Variants in CACNA2D3 observed in about 807,000 individuals in gnomAD.
The protein encoded by CACNA2D3 is voltage-dependent calcium channel subunit alpha-2/delta-3.
CACNA2D3 carries 60 observed loss-of-function variants against 160.6 expected under a neutral mutation model. That is an observed-to-expected ratio of 0.37 (90% CI 0.30 to 0.46). The LOEUF (loss-of-function observed/expected upper bound fraction) is 0.46. CACNA2D3 is among the 20% of genes least tolerant of loss of function. CACNA2D3 has a pLI of 1.00. For synonymous variants in CACNA2D3, 558 were observed against 492.9 expected (o/e 1.13, Z -1.75); for missense variants, 1,205 against 1,365.0 (o/e 0.88, Z 1.85).
chr3:54,290,346 A>G (rs997592216), intron 2 of CACNA2D3, among the ~76,000 whole-genome samples: 4 of 152,336 alleles, frequency 2.6e-5, no homozygotes, highest in African/African-American at 9.6e-5. Context: ...ATACAAATCA[A>G]AACCACATTG....
intron 10 of CACNA2D3, among the ~76,000 whole-genome samples, chr3:54,641,400 G>A (rs964173966): frequency 2.6e-5 from 4 of 152,204 alleles, no homozygotes; most frequent in Non-Finnish European, 1.5e-5. Context: ...TAAGAGGGGT[G>A]TGGAAGCCAG....
intron 2 of CACNA2D3, among the ~76,000 whole-genome samples, chr3:54,295,587 C>T (rs893731913): frequency 7.9e-5 from 12 of 152,282 alleles, no homozygotes; most frequent in Middle Eastern, 3.4e-3. Context: ...GAGAGACAAA[C>T]GGTTGCATTC....
intron 3 of CACNA2D3, among the ~76,000 whole-genome samples, chr3:54,352,206 C>T (rs1460564780): frequency 1.3e-5 from 2 of 152,150 alleles, no homozygotes; most frequent in East Asian, 1.9e-4. Flanking sequence ...TCCCTCTCTG[C>T]CCATCACTGT....
At chr3:54,462,872 G>C (rs371472143) in intron 4 of CACNA2D3, among the ~76,000 whole-genome samples, 2 of 149,354 alleles carry the variant, frequency 1.3e-5, no homozygotes, top group Non-Finnish European at 1.5e-5. Flanking sequence ...TCCTAGTCTC[G>C]ATGTTCTTTA....
At chr3:54,808,582 C>T (rs1466740308) in intron 13 of CACNA2D3, among the ~76,000 whole-genome samples, 3 of 152,112 alleles carry the variant, frequency 2.0e-5, no homozygotes, top group Admixed American at 1.3e-4. Flanking sequence ...GAGTTGATGG[C>T]TTGGGTCTGG....
At chr3:54,979,324 A>G (rs1702457808) in intron 29 of CACNA2D3, among the ~76,000 whole-genome samples, 1 of 152,166 alleles carries the variant, frequency 6.6e-6, no homozygotes, top group Non-Finnish European at 1.5e-5. Context: ...TAAACACACC[A>G]TTCCAGTCAA....
At chr3:55,070,091 A>G (rs1704767400) in intron 35 of CACNA2D3, among the ~76,000 whole-genome samples, 1 of 152,214 alleles carries the variant, frequency 6.6e-6, no homozygotes, top group South Asian at 2.1e-4. Flanking sequence ...TCCCAGGCAC[A>G]ACCCTAGGTG....
chr3:54,732,191 C>G (rs991984086), intron 11 of CACNA2D3, among the ~76,000 whole-genome samples: 1 of 152,230 alleles, frequency 6.6e-6, no homozygotes, highest in Non-Finnish European at 1.5e-5. Context: ...TGACATCACT[C>G]TGTAATTTTA....
At chr3:54,972,311 C>T (rs936369097) in intron 29 of CACNA2D3, among the ~76,000 whole-genome samples, 11 of 152,282 alleles carry the variant, frequency 7.2e-5, no homozygotes, top group African/African-American at 2.4e-4. Flanking sequence ...AGCTGTCATC[C>T]GTTGTCCTCT....
rs1362776489 is a variant in CACNA2D3 at position 54,565,420 on chromosome 3, C to T, written c.676+2489C>T. ...GTAAGCATTAGCCTGAAAGCCTTGG[C>T]GTGATGATGATGTCCATTTCTGCAT... On this transcript the variant is annotated intron_variant, in intron 6 of 37. Coordinates refer to ENST00000474759, the MANE Select transcript of CACNA2D3 (RefSeq NM_018398.3). Among the ~76,000 whole-genome samples the T allele has an allele frequency of 2.6e-5, 4 of 152,082 alleles. No individual in the cohort carries two copies. In the South Asian group the frequency reaches 8.3e-4, roughly 32 times the overall value.
chr3:54,705,858 G>C (rs982121190), intron 11 of CACNA2D3, among the ~76,000 whole-genome samples: 3 of 151,180 alleles, frequency 2.0e-5, no homozygotes, highest in African/African-American at 7.3e-5. Context: ...CTAGAAAGCA[G>C]ACTTGGTCTG....
At chr3:54,883,077 A>G (rs1366562567) in intron 21 of CACNA2D3, among the ~76,000 whole-genome samples, 1 of 151,900 alleles carries the variant, frequency 6.6e-6, no homozygotes, top group East Asian at 1.9e-4. Flanking sequence ...CTGGAGTGCA[A>G]TGGTGTGATC....
rs906951568 is a variant in CACNA2D3 at position 55,042,820 on chromosome 3, C to T, written c.2987+24503C>T. ...ATCCATTCCCCCAACCACAGCTCATCGGAAACCATGATATTTTTGTGACCC... is the reference window on the plus strand; with the variant it reads ...ATCCATTCCCCCAACCACAGCTCATTGGAAACCATGATATTTTTGTGACCC... On this transcript the variant is annotated intron_variant, in intron 35 of 37. Transcript: ENST00000474759. 5.9e-5 allele frequency among the ~76,000 whole-genome samples: 9 copies of T among 152,196 alleles called. No individual in the cohort carries two copies. The South Asian group carries it at 8.3e-4, about 14-fold the overall frequency.
At chr3:54,389,261 C>T (rs984784425) in intron 4 of CACNA2D3, among the ~76,000 whole-genome samples, 3 of 151,072 alleles carry the variant, frequency 2.0e-5, no homozygotes, top group Non-Finnish European at 4.4e-5. Context: ...CGCCAGTGCA[C>T]TCCAGCCTGG....
intron 25 of CACNA2D3, chr3:54,894,585 T>C: frequency 1.9e-6 from 1 of 514,898 alleles, no homozygotes; most frequent in South Asian, 1.4e-5. Flanking sequence ...ACAGGGCACC[T>C]CTTAGCTGTA....
rs749473494 is a variant in CACNA2D3, at chr3:54,896,885, T to G, written c.2368+15T>G. 2.5e-6 allele frequency: 4 copies of G among 1,613,896 alleles called. No individual in the cohort carries two copies. The South Asian group carries it at 4.4e-5, about 18-fold the overall frequency. On this transcript the variant is annotated intron_variant, in intron 26 of 37. Transcript: ENST00000474759. ...ATTCAGCACTGGTGGGTGCCCTTGT[T>G]GGAGGCGGGCTCTGTCTGTCTGGTC... is the stretch of plus-strand genomic sequence containing the variant.
chr3:54,699,437 T>C (rs949358890), intron 11 of CACNA2D3, among the ~76,000 whole-genome samples: 1 of 152,206 alleles, frequency 6.6e-6, no homozygotes, highest in African/African-American at 2.4e-5. Flanking sequence ...GGAAACAGCC[T>C]GCTTCCCCCC....
chr3:54,363,480 A>G (rs935487051), intron 3 of CACNA2D3, among the ~76,000 whole-genome samples: 2 of 152,144 alleles, frequency 1.3e-5, no homozygotes, highest in African/African-American at 4.8e-5. Flanking sequence ...TTAAAATAAT[A>G]GCTGAGGTCT....
At chr3:54,527,771 C>A (rs1229628035) in intron 5 of CACNA2D3, among the ~76,000 whole-genome samples, 1 of 152,122 alleles carries the variant, frequency 6.6e-6, no homozygotes, top group Admixed American at 6.5e-5. Context: ...ACCCTGTGTT[C>A]TTGGCCATAT....
Sources: gnomAD v4.1 joint callset for allele counts (sites outside exome capture counted in the v4.1 genomes callset) on GRCh38, gnomAD v4.1.1 for gene constraint, MANE v1.5 for transcripts, NCBI Gene and HGNC (gene_info 2026-07-23, HGNC 2026-07-21) for gene names.